Variants in LAMC1 observed in about 807,000 individuals in gnomAD.
The protein encoded by LAMC1 is laminin subunit gamma 1.
A neutral mutation model predicts 173.6 loss-of-function variants in LAMC1; 38 were observed. The observed-to-expected ratio is 0.22, with a 90% CI of 0.17 to 0.29. The LOEUF is 0.29. Ranked by LOEUF, LAMC1 falls within the 10% of genes least tolerant of loss-of-function variation. The pLI is 1.00. For synonymous variants in LAMC1, 746 were observed against 749.1 expected (o/e 1.00, Z 0.07); for missense variants, 1,824 against 2,051.8 (o/e 0.89, Z 2.14).
chr1:183,092,703 C>T (rs2102060605), intron 1 of LAMC1, among the ~76,000 whole-genome samples: 1 of 152,250 alleles, frequency 6.6e-6, no homozygotes, highest in Middle Eastern at 3.4e-3. Flanking sequence ...TACAGTGATC[C>T]TGAAAATGTA....
At chr1:183,054,139 AT>A (rs1306506236) in intron 1 of LAMC1, among the ~76,000 whole-genome samples, 1 of 152,174 alleles carries the variant, frequency 6.6e-6, no homozygotes. Context: ...TTTCAGGTGC[AT>A]TTGTAAGGCT....
chr1:183,083,715 T>C (rs1655348555), intron 1 of LAMC1, among the ~76,000 whole-genome samples: 1 of 152,224 alleles, frequency 6.6e-6, no homozygotes, highest in Admixed American at 6.5e-5. Flanking sequence ...TTACATGTTT[T>C]AAATCACATA....
intron 12 of LAMC1, 41 bp downstream of exon 12, chr1:183,121,985 T>A (rs1558055274): frequency 1.2e-6 from 2 of 1,608,212 alleles, no homozygotes; most frequent in Non-Finnish European, 1.7e-6. Context: ...AACTTCTCTT[T>A]AGCAATTGTG....
chr1:183,073,801 A>G (rs1438084270), intron 1 of LAMC1, among the ~76,000 whole-genome samples: 1 of 152,210 alleles, frequency 6.6e-6, no homozygotes, highest in Non-Finnish European at 1.5e-5. Context: ...TAGCAAAATA[A>G]TAGACAAGAG....
At chr1:183,086,249 T>C (rs983617537) in intron 1 of LAMC1, among the ~76,000 whole-genome samples, 2 of 152,336 alleles carry the variant, frequency 1.3e-5, no homozygotes, top group Admixed American at 6.5e-5. Context: ...ATGGCCGCGT[T>C]GCGATTATAA....
intron 26 of LAMC1, 111 bp downstream of exon 26, chr1:183,137,938 C>A (rs746368611): frequency 6.1e-6 from 6 of 977,556 alleles, no homozygotes; most frequent in Non-Finnish European, 7.2e-6. Context: ...TGTTTTTCAT[C>A]ACATTGTCTC....
intron 1 of LAMC1, among the ~76,000 whole-genome samples, chr1:183,072,306 C>T (rs1655030023): frequency 3.9e-5 from 6 of 152,132 alleles, no homozygotes; most frequent in African/African-American, 4.8e-5. Flanking sequence ...TTCAAGTGTT[C>T]GTTGCAGGGT....
chr1:183,034,747 G>A (rs72727087), intron 1 of LAMC1, among the ~76,000 whole-genome samples: 25 of 152,308 alleles, frequency 1.6e-4, no homozygotes, highest in Non-Finnish European at 2.8e-4. Context: ...TTAGATAATG[G>A]TGAAGGTATT....
At chr1:183,098,068 A>G (rs1474269217) in intron 1 of LAMC1, among the ~76,000 whole-genome samples, 2 of 152,182 alleles carry the variant, frequency 1.3e-5, no homozygotes, top group South Asian at 2.1e-4. Context: ...TTAAAGCCAT[A>G]CTGTCTACTT....
intron 1 of LAMC1, among the ~76,000 whole-genome samples, chr1:183,066,410 A>T (rs549714712): frequency 4.6e-5 from 7 of 152,346 alleles, no homozygotes; most frequent in African/African-American, 1.7e-4. Context: ...TTCCTCAAGG[A>T]TCTAGAACCA....
intron 1 of LAMC1, among the ~76,000 whole-genome samples, chr1:183,094,968 C>T (rs1475250035): frequency 6.6e-6 from 1 of 152,082 alleles, no homozygotes; most frequent in Non-Finnish European, 1.5e-5. Flanking sequence ...GCCTCAGCCT[C>T]CTGAGAAGCT....
chr1:183,093,540 T>C (rs1329281396), intron 1 of LAMC1, among the ~76,000 whole-genome samples: 1 of 152,202 alleles, frequency 6.6e-6, no homozygotes, highest in Admixed American at 6.5e-5. Flanking sequence ...TATCTATCTA[T>C]GTCCATTCCC....
chr1:183,073,728 T>C (rs1371757573), intron 1 of LAMC1, among the ~76,000 whole-genome samples: 2 of 152,114 alleles, frequency 1.3e-5, no homozygotes, highest in Non-Finnish European at 2.9e-5. Flanking sequence ...AAATACAGTG[T>C]CCAGCACATA....
intron 20 of LAMC1, among the ~76,000 whole-genome samples, 168 bp downstream of exon 20, chr1:183,131,546 T>C (rs1449584597): frequency 2.0e-5 from 3 of 152,124 alleles, no homozygotes; most frequent in Non-Finnish European, 4.4e-5. Context: ...TTATCAGCTG[T>C]GTATACTCTT....
intron 1 of LAMC1, among the ~76,000 whole-genome samples, chr1:183,072,896 C>T (rs1159267392): frequency 1.3e-5 from 2 of 152,170 alleles, no homozygotes; most frequent in African/African-American, 4.8e-5. Flanking sequence ...TCTCCCATTG[C>T]CCCCAGATGG....
At chr1:183,101,772 C>T (rs1182852291) in intron 1 of LAMC1, among the ~76,000 whole-genome samples, 3 of 152,104 alleles carry the variant, frequency 2.0e-5, no homozygotes, top group Non-Finnish European at 2.9e-5. Context: ...ATCCTGTGTT[C>T]TTTCTGTTAT....
intron 3 of LAMC1, among the ~76,000 whole-genome samples, chr1:183,109,161 G>C (rs1017886341): frequency 2.0e-5 from 3 of 152,174 alleles, no homozygotes; most frequent in African/African-American, 7.2e-5. Flanking sequence ...GATCCCAAAA[G>C]CAGAAAACTT....
Position 183,115,050 on chromosome 1 carries a change from T to G in LAMC1, c.1210+331T>G, listed in dbSNP as rs535338928. Among the ~76,000 whole-genome samples, 5 of 152,374 alleles carry G rather than the reference T, an allele frequency of 3.3e-5. No homozygotes were observed. The South Asian group carries it at 1.0e-3, about 32-fold the overall frequency. ...GTTCTTCCTTGTTGATGATTTTGTT[T>G]AGTCTAATCTCCTTAGAGTGCTGAA... On this transcript the variant is annotated intron_variant, in intron 5 of 27. Transcript: ENST00000258341.
intron 26 of LAMC1, among the ~76,000 whole-genome samples, chr1:183,139,475 C>T (rs958014951): frequency 3.9e-5 from 6 of 152,220 alleles, no homozygotes; most frequent in Non-Finnish European, 7.3e-5. Flanking sequence ...TCCTTTTACA[C>T]TCGCAGACAA....
Sources: gnomAD v4.1 joint callset for allele counts (sites outside exome capture counted in the v4.1 genomes callset) on GRCh38, gnomAD v4.1.1 for gene constraint, MANE v1.5 for transcripts, NCBI Gene and HGNC (gene_info 2026-07-23, HGNC 2026-07-21) for gene names.